Variants in SMCO4 observed in about 807,000 individuals in gnomAD.
The protein encoded by SMCO4 is single-pass membrane and coiled-coil domain-containing protein 4.
Under a neutral mutation model 3.6 loss-of-function variants are expected in SMCO4, and 4 were observed. The observed-to-expected ratio is 1.11, with a 90% CI of 0.54 to 2.53. The LOEUF (loss-of-function observed/expected upper bound fraction) is 2.53, where lower values mean the gene tolerates loss of function less well. Ranked by LOEUF, SMCO4 falls within the 30% of genes most tolerant of loss-of-function variation. The probability of loss-of-function intolerance (pLI) is 0.02; values close to 1 mark genes in which losing one functional copy is unlikely to be tolerated. For synonymous variants in SMCO4, 36 were observed against 35.3 expected, an observed-to-expected ratio of 1.02 and a Z score of -0.07; for missense variants, 70 against 80.8, an observed-to-expected ratio of 0.87 and a Z score of 0.51.
At chr11:93,498,470 C>A (rs549362319) in intron 2 of SMCO4, among the ~76,000 whole-genome samples, 1 of 152,242 alleles carries the variant, frequency 6.6e-6, no homozygotes, top group South Asian at 2.1e-4. Flanking sequence ...CCACATGCAA[C>A]CCCCACTCAC....
At chr11:93,552,054 T>C in the SMCO4 span, among the ~76,000 whole-genome samples, 1 of 151,882 alleles carries the variant, frequency 6.6e-6, no homozygotes, top group African/African-American at 2.4e-5. Flanking sequence ...TGTTTACATA[T>C]ATTGAGAGCC....
intron 1 of SMCO4, among the ~76,000 whole-genome samples, chr11:93,526,945 C>A (rs905044833): frequency 1.1e-4 from 16 of 152,190 alleles, no homozygotes; most frequent in Admixed American, 2.0e-4. Flanking sequence ...TAGGCCATTG[C>A]CCTTTCCACT....
At chr11:93,496,920 A>G (rs1296566725) in intron 2 of SMCO4, among the ~76,000 whole-genome samples, 1 of 152,154 alleles carries the variant, frequency 6.6e-6, no homozygotes, top group Non-Finnish European at 1.5e-5. Context: ...CGCTTACACT[A>G]TGGGGAGTAA....
intron 1 of SMCO4, among the ~76,000 whole-genome samples, chr11:93,514,373 GCTATATATATATATATATAT>G: frequency 1.8e-5 from 1 of 56,364 alleles, no homozygotes; most frequent in African/African-American, 7.6e-5. Flanking sequence ...ACAGGATGAG[GCTATATATATATATATATAT>G]ATATATATAT....
At chr11:93,480,132 G>A (rs2605595) in intron 2 of SMCO4, among the ~76,000 whole-genome samples, 105,646 of 152,126 alleles carry the variant, frequency 0.69, 37,136 homozygotes, top group East Asian at 0.99. Context: ...AGCAGATGAA[G>A]CAGACTTCAG....
chr11:93,514,064 C>G (rs1355898623), intron 1 of SMCO4, among the ~76,000 whole-genome samples: 1 of 152,082 alleles, frequency 6.6e-6, no homozygotes, highest in Non-Finnish European at 1.5e-5. Flanking sequence ...TGCATGCTGC[C>G]TGTCGTAGGT....
At chr11:93,502,443 G>A (rs1948850265) in intron 1 of SMCO4, among the ~76,000 whole-genome samples, 2 of 152,076 alleles carry the variant, frequency 1.3e-5, no homozygotes, top group African/African-American at 4.8e-5. Context: ...TTCTTGCATG[G>A]TCAGAATACT....
upstream of SMCO4, among the ~76,000 whole-genome samples, chr11:93,545,575 T>G (rs1591335108): frequency 1.4e-5 from 1 of 72,646 alleles, no homozygotes. Context: ...GCAACAAGAG[T>G]GAAACTCTGT....
At chr11:93,489,146 G>A (rs192956399) in intron 2 of SMCO4, among the ~76,000 whole-genome samples, 19 of 152,232 alleles carry the variant, frequency 1.2e-4, no homozygotes, top group African/African-American at 7.2e-5. Flanking sequence ...AGGCAGTGCC[G>A]GCCTGAAATC....
chr11:93,515,091 CA>C (rs1210805223), intron 1 of SMCO4, among the ~76,000 whole-genome samples: 26 of 152,226 alleles, frequency 1.7e-4, no homozygotes, highest in Admixed American at 1.6e-3. Flanking sequence ...CTCTGCTCCC[CA>C]AAATATAATT....
intron 1 of SMCO4, among the ~76,000 whole-genome samples, chr11:93,530,838 C>T (rs1205887292): frequency 6.6e-6 from 1 of 152,212 alleles, no homozygotes; most frequent in Non-Finnish European, 1.5e-5. Context: ...TCCTTGACCA[C>T]CTCACCTTCC....
At chr11:93,490,440 A>G (rs929347270) in intron 2 of SMCO4, among the ~76,000 whole-genome samples, 1 of 152,230 alleles carries the variant, frequency 6.6e-6, no homozygotes, top group South Asian at 2.1e-4. Flanking sequence ...ACGGCAGCAC[A>G]TGCAACACAA....
intron 1 of SMCO4, among the ~76,000 whole-genome samples, chr11:93,514,413 T>TATATATATATACACACAC (rs781423008): frequency 2.9e-5 from 1 of 33,950 alleles, no homozygotes. Context: ...TATATATATA[T>TATATATATATACACACAC]ATATATATAA....
intron 1 of SMCO4, among the ~76,000 whole-genome samples, chr11:93,518,121 C>T (rs75055286): frequency 0.035 from 5,366 of 152,258 alleles, 245 homozygotes; most frequent in East Asian, 0.14. Flanking sequence ...CCCTCCAGCC[C>T]CTGGAAACCA....
intron 1 of SMCO4, among the ~76,000 whole-genome samples, chr11:93,539,386 AG>A (rs1413712776): frequency 6.6e-6 from 1 of 152,234 alleles, no homozygotes; most frequent in Non-Finnish European, 1.5e-5. Flanking sequence ...GGAGGACGGA[AG>A]GAACAGGAAG....
At chr11:93,485,601 C>T (rs998739032) in intron 2 of SMCO4, among the ~76,000 whole-genome samples, 5 of 152,140 alleles carry the variant, frequency 3.3e-5, no homozygotes, top group African/African-American at 1.2e-4. Context: ...GGGCCTCTGA[C>T]GTCTCCACTT....
intron 1 of SMCO4, among the ~76,000 whole-genome samples, chr11:93,534,337 T>C (rs1221654435): frequency 6.9e-6 from 1 of 145,362 alleles, no homozygotes; most frequent in Admixed American, 7.0e-5. Context: ...TATACATATA[T>C]ACACATATAT....
upstream of SMCO4, among the ~76,000 whole-genome samples, chr11:93,545,064 A>G (rs1454263440): frequency 6.6e-6 from 1 of 152,202 alleles, no homozygotes; most frequent in Non-Finnish European, 1.5e-5. Context: ...GCAAGCCTCA[A>G]GGTTTAAATT....
chr11:93,492,187 T>C (rs1159963950), intron 2 of SMCO4, among the ~76,000 whole-genome samples: 1 of 152,236 alleles, frequency 6.6e-6, no homozygotes, highest in African/African-American at 2.4e-5. Flanking sequence ...TTTATCCAGC[T>C]AACAGTTGCT....
Sources: gnomAD v4.1 joint callset for allele counts (sites outside exome capture counted in the v4.1 genomes callset) on GRCh38, gnomAD v4.1.1 for gene constraint, MANE v1.5 for transcripts, NCBI Gene and HGNC (gene_info 2026-07-23, HGNC 2026-07-21) for gene names.